The following FRK variants were observed in gnomAD, a reference collection of about 807,000 sequenced individuals.
FRK encodes the protein tyrosine-protein kinase FRK.
A neutral mutation model predicts 56.4 loss-of-function variants in FRK; 51 were observed. The observed-to-expected ratio is 0.90, with a 90% CI of 0.72 to 1.14. The LOEUF is 1.14. FRK is among the 50% of genes most tolerant of loss of function. The pLI, the probability that FRK is intolerant of heterozygous loss-of-function variation, is 0.00. For synonymous variants in FRK, 245 were observed against 217.9 expected, an observed-to-expected ratio of 1.12 and a Z score of -1.10; for missense variants, 570 against 601.4, an observed-to-expected ratio of 0.95 and a Z score of 0.55.
intron 3 of FRK, 149 bp from the exon 4 acceptor site, chr6:115,967,868 A>G (rs1359097599): frequency 1.6e-6 from 1 of 620,832 alleles, no homozygotes; most frequent in Non-Finnish European, 2.6e-6. Context: ...AAAAACAAAA[A>G]GTATGGTGGG....
chr6:115,959,142 T>A (rs1188294129), intron 4 of FRK, among the ~76,000 whole-genome samples: 1 of 152,222 alleles, frequency 6.6e-6, no homozygotes, highest in African/African-American at 2.4e-5. Context: ...CTGTGGGAGT[T>A]CATTTCAGGC....
At position 115,932,212 on chromosome 6, in the gene FRK, T is replaced by A. The variant is rs1771969262; in HGVS notation, c.*10202A>T. The A allele has an allele frequency of 6.6e-6, 1 of 152,186 alleles. No individual in the cohort carries two copies. The highest frequency in any genetic ancestry group is 2.1e-4 in the South Asian group (1 of 4,834). The allele number at this position is 152,186 out of a possible 1,614,324, so 9.4% of individuals were successfully genotyped here. A position where few individuals can be genotyped will look rare whatever the true frequency, so the allele number is the denominator to read the frequency against. ...CCAGTATATTTCTAAATTTCATAAA[T>A]AACTTGAGAGGCCTACTAACATCAC... On this transcript the variant is annotated 3_prime_UTR_variant, in exon 8 of 8. Coordinates refer to ENST00000606080, the MANE Select transcript of FRK (RefSeq NM_002031.3).
intron 1 of FRK, among the ~76,000 whole-genome samples, chr6:116,035,726 C>T (rs966989742): frequency 5.3e-5 from 8 of 152,008 alleles, no homozygotes; most frequent in African/African-American, 1.2e-4. Flanking sequence ...AATTCTTAAA[C>T]GTTTTCCTTA....
chr6:116,008,331 A>C (rs980920622), intron 1 of FRK, among the ~76,000 whole-genome samples: 2 of 152,256 alleles, frequency 1.3e-5, no homozygotes, highest in African/African-American at 4.8e-5. Flanking sequence ...ATTACTTTAC[A>C]AAGCAAATCA....
intron 4 of FRK, among the ~76,000 whole-genome samples, chr6:115,960,414 A>G (rs1363447007): frequency 1.3e-5 from 2 of 150,486 alleles, no homozygotes; most frequent in African/African-American, 2.4e-5. Context: ...AATCTCGCTG[A>G]TTGCTAGCAC....
intron 1 of FRK, among the ~76,000 whole-genome samples, chr6:116,041,677 C>T (rs554529905): frequency 1.3e-5 from 2 of 152,112 alleles, no homozygotes; most frequent in Admixed American, 6.5e-5. Flanking sequence ...CAAGGGAAGC[C>T]GTAAGGGACT....
chr6:116,001,795 T>C (rs769325763), intron 2 of FRK, among the ~76,000 whole-genome samples: 2 of 152,196 alleles, frequency 1.3e-5, no homozygotes, highest in African/African-American at 2.4e-5. Context: ...GGTCTGCAAA[T>C]GTCACTGGAA....
At chr6:116,010,495 T>A (rs889676006) in intron 1 of FRK, among the ~76,000 whole-genome samples, 1 of 151,858 alleles carries the variant, frequency 6.6e-6, no homozygotes, top group African/African-American at 2.4e-5. Context: ...CAGGAAAAAA[T>A]CCCAAAGGAA....
intron 5 of FRK, among the ~76,000 whole-genome samples, chr6:115,955,352 G>A (rs908673737): frequency 3.3e-5 from 5 of 152,142 alleles, no homozygotes; most frequent in African/African-American, 1.2e-4. Context: ...GCCATTAGAT[G>A]TAATTATGTG....
At chr6:115,995,202 T>C (rs1203356522) in intron 2 of FRK, among the ~76,000 whole-genome samples, 1 of 152,174 alleles carries the variant, frequency 6.6e-6, no homozygotes, top group Non-Finnish European at 1.5e-5. Flanking sequence ...CTACTATGAT[T>C]CTGCATCTCT....
chr6:116,024,793 G>T (rs1776022979), intron 1 of FRK, among the ~76,000 whole-genome samples: 1 of 152,110 alleles, frequency 6.6e-6, no homozygotes, highest in Admixed American at 6.5e-5. Context: ...TAATGGGATG[G>T]CTGGGTCAAA....
the FRK span, among the ~76,000 whole-genome samples, chr6:116,092,509 CCT>C: frequency 6.6e-6 from 1 of 152,060 alleles, no homozygotes; most frequent in East Asian, 1.9e-4. Context: ...TTTTCTCGGT[CCT>C]CTTTGTGGTC....
chr6:116,022,335 C>T (rs923292512), intron 1 of FRK, among the ~76,000 whole-genome samples: 1 of 151,900 alleles, frequency 6.6e-6, no homozygotes, highest in Non-Finnish European at 1.5e-5. Flanking sequence ...ACAAAGTTAC[C>T]CTGATACCAA....
intron 1 of FRK, among the ~76,000 whole-genome samples, chr6:116,034,079 G>A (rs749534094): frequency 3.3e-5 from 5 of 152,058 alleles, no homozygotes; most frequent in South Asian, 2.1e-4. Flanking sequence ...TAACCTTTGC[G>A]GGGCCAGGTC....
At chr6:115,960,604 AC>A (rs1773319689) in intron 4 of FRK, among the ~76,000 whole-genome samples, 1 of 114,776 alleles carries the variant, frequency 8.7e-6, no homozygotes, top group Admixed American at 9.0e-5. Flanking sequence ...GCACAGACAA[AC>A]AAAAAGACAG....
At chr6:116,016,003 C>A (rs189679772) in intron 1 of FRK, among the ~76,000 whole-genome samples, 36 of 152,262 alleles carry the variant, frequency 2.4e-4, no homozygotes, top group African/African-American at 8.4e-4. Flanking sequence ...AAGAAAAGCC[C>A]ATTTTCTGGG....
At chr6:115,951,667 G>A (rs997464073) in intron 5 of FRK, among the ~76,000 whole-genome samples, 28 of 152,286 alleles carry the variant, frequency 1.8e-4, no homozygotes, top group Admixed American at 1.7e-3. Context: ...AAATATGTAT[G>A]TTATTTCAAC....
chr6:116,015,895 T>G (rs967569238), intron 1 of FRK, among the ~76,000 whole-genome samples: 1 of 152,182 alleles, frequency 6.6e-6, no homozygotes, highest in East Asian at 1.9e-4. Flanking sequence ...GTCAGTCATA[T>G]GCATTCACCA....
chr6:116,041,158 G>A (rs1282345007), intron 1 of FRK, among the ~76,000 whole-genome samples: 1 of 152,198 alleles, frequency 6.6e-6, no homozygotes, highest in Non-Finnish European at 1.5e-5. Context: ...ATAGCACAGA[G>A]TTCAAAGTGA....
Sources: gnomAD v4.1 joint callset for allele counts (sites outside exome capture counted in the v4.1 genomes callset) on GRCh38, gnomAD v4.1.1 for gene constraint, MANE v1.5 for transcripts, NCBI Gene and HGNC (gene_info 2026-07-23, HGNC 2026-07-21) for gene names.